The following ADGRA2 variants were observed in gnomAD, a reference collection of about 807,000 sequenced individuals.
ADGRA2 encodes the protein G-protein coupled receptor 124.
In ADGRA2, 61 loss-of-function variants were observed where a neutral mutation model predicts 98.7. The observed-to-expected ratio is 0.62, with a 90% confidence interval of 0.50 to 0.76. The LOEUF is 0.76. Among genes scored for constraint, ADGRA2 ranks in the 30% least tolerant of loss-of-function variants. The pLI, the probability that ADGRA2 is intolerant of heterozygous loss-of-function variation, is 0.00. For missense variants in ADGRA2, 1,712 were observed against 1,860.0 expected, an observed-to-expected ratio of 0.92 and a Z score of 1.46; for synonymous variants, 858 against 831.5, an observed-to-expected ratio of 1.03 and a Z score of -0.55.
chr8:37,825,252 A>AT (rs981883102), intron 2 of ADGRA2, among the ~76,000 whole-genome samples: 23 of 149,750 alleles, frequency 1.5e-4, no homozygotes, highest in African/African-American at 3.9e-4. Flanking sequence ...GACTTCTGTC[A>AT]TTTTTTTTTT....
chr8:37,839,159 A>G (rs1585407791), intron 15 of ADGRA2, 76 bp downstream of exon 15: 5 of 1,550,226 alleles, frequency 3.2e-6, no homozygotes, highest in South Asian at 1.1e-5. Context: ...TTCCCGTCCT[A>G]TGCTCCGGTA....
rs201432181 is a variant in ADGRA2, at chr8:37,842,276, A to T, written c.3938A>T (p.Asp1313Val). Residue 1313 changes from aspartate (D) to valine (V), a missense_variant, in exon 19 of 19, where the codon GAC (aspartate) becomes GTC (valine). Transcript: ENST00000412232. ...GCCCCCAAGGGGGGCAAGTACGACG[A>T]CGTCACCCTGATGGGCGCGGAGGTA... Reference protein sequence around the residue: ...NGAPKGGKYDDVTLMGAEVAS... With the variant: ...NGAPKGGKYDVVTLMGAEVAS... 3,110 of 1,577,932 alleles carry T rather than the reference A, an allele frequency of 2.0e-3. 40 individuals are homozygous for T. The highest frequency in any genetic ancestry group is 6.9e-3 in the East Asian group (298 of 42,926).
At chr8:37,809,298 T>TAA (rs374479525) in intron 1 of ADGRA2, among the ~76,000 whole-genome samples, 1,903 of 138,006 alleles carry the variant, frequency 0.014, 26 homozygotes, top group South Asian at 0.025. Context: ...TTGTCTCTCT[T>TAA]AAAAAAAAAA....
chr8:37,838,660 C>CCTG (rs1459074405), intron 14 of ADGRA2, among the ~76,000 whole-genome samples: 1 of 148,614 alleles, frequency 6.7e-6, no homozygotes, highest in Non-Finnish European at 1.5e-5. Flanking sequence ...GTCCTGCAGG[C>CCTG]CTGCTGCTGG....
rs756876565 is a variant in ADGRA2 at position 37,829,328 on chromosome 8, C to T, written c.478C>T (p.Arg160Ter). 11 of 1,612,358 alleles carry T rather than the reference C, an allele frequency of 6.8e-6. No homozygotes were observed. Among genetic ancestry groups the T allele is most frequent in the Non-Finnish European group, 9.3e-6 (11 of 1,178,714 alleles). ...ETFQGLPRLL[R>*]LNISGNIFSS... ...CTTCCAGGGCCTCCCCAGGCTTCTC[C>T]GACTGTAAGTGATGGGGTGAGAAGT... The change falls in exon 4 of 19, where the codon CGA becomes TGA. Residue 160 changes from arginine to a stop codon, truncating the protein, a stop_gained. Transcript: ENST00000412232. LOFTEE classifies it high-confidence loss of function.
At chr8:37,829,798 A>G in intron 5 of ADGRA2, 53 bp from the exon 6 acceptor site, 1 of 1,558,604 alleles carries the variant, frequency 6.4e-7, no homozygotes, top group Non-Finnish European at 8.7e-7. Context: ...CAGGCCACCC[A>G]TGAGCCCACA....
intron 2 of ADGRA2, among the ~76,000 whole-genome samples, chr8:37,822,249 G>A (rs1805147025): frequency 6.6e-6 from 1 of 152,128 alleles, no homozygotes; most frequent in African/African-American, 2.4e-5. Context: ...AGTGAACCCT[G>A]GAAGTCTTGT....
intron 17 of ADGRA2, 47 bp from the exon 18 acceptor site, chr8:37,840,713 C>T (rs1380134817): frequency 1.0e-5 from 10 of 975,900 alleles, no homozygotes; most frequent in Admixed American, 1.7e-5. Flanking sequence ...CAGTTCTTCC[C>T]TTCCCTTTCC....
In ADGRA2 at chr8:37,797,181, G is replaced by T. The variant is rs984122277; in HGVS notation, c.-88G>T. The T allele has an allele frequency of 2.8e-4, 294 of 1,061,612 alleles. No individual in the cohort carries two copies. The highest frequency in any genetic ancestry group is 3.3e-4 in the Non-Finnish European group (277 of 852,138). The allele number at this position is 1,061,612 out of a possible 1,614,324, so 65.8% of individuals were successfully genotyped here. A position where few individuals can be genotyped will look rare whatever the true frequency, so the allele number is the denominator to read the frequency against. On this transcript the variant is annotated 5_prime_UTR_variant, in exon 1 of 19. Transcript: ENST00000412232. The surrounding 1 kb of genome is among the most constrained non-coding windows in gnomAD (Gnocchi z 5.3). ...ACGCCCTCGGGAGCCCCGGGCCCCC[G>T]CTGAGCACTCCTCCCGCACGCCTGG...
In ADGRA2 at chr8:37,842,437, G is replaced by T. The variant is rs559176273; in HGVS notation, c.*82G>T. The T allele has an allele frequency of 7.2e-7, 1 of 1,392,116 alleles. No individual in the cohort carries two copies. The highest frequency in any genetic ancestry group is 1.7e-5 in the South Asian group (1 of 59,184). 86.2% of individuals were successfully genotyped at this position (1,392,116 alleles called of 1,614,324 possible). A position where few individuals can be genotyped will look rare whatever the true frequency, so the allele number is the denominator to read the frequency against. The stretch of plus-strand genomic sequence containing the variant: ...CGGGGCCCTCCAAGGTGTCTCCGTA[G>T]TCAGCAGGTTGGAGGCAGAGGAGCC... On this transcript the variant is annotated 3_prime_UTR_variant, in exon 19 of 19. Transcript: ENST00000412232.
chr8:37,829,172 C>A, intron 3 of ADGRA2, 89 bp from the exon 4 acceptor site: 2 of 1,033,658 alleles, frequency 1.9e-6, no homozygotes, highest in Non-Finnish European at 3.1e-6. Flanking sequence ...CCCCCCAACA[C>A]AAGCCCTGGC....
intron 13 of ADGRA2, among the ~76,000 whole-genome samples, chr8:37,836,036 CCA>C (rs1199422382): frequency 7.7e-6 from 1 of 129,642 alleles, no homozygotes; most frequent in East Asian, 2.3e-4. Context: ...ATAGCCCCCT[CCA>C]ACACACACAC....
rs1199131579 is a variant in ADGRA2, at chr8:37,836,086, CACACACACACA to C, written c.2050+317_2050+327del. Among the ~76,000 whole-genome samples, 166 of 137,732 alleles carry C rather than the reference CACACACACACA, an allele frequency of 1.2e-3. 1 individual carries two copies. Among genetic ancestry groups the C allele is most frequent in the South Asian group, 3.5e-3 (15 of 4,344 alleles). The allele number at this position is 137,732 out of a possible 152,430, so 90.4% of individuals were successfully genotyped here. On this transcript the variant is annotated intron_variant, in intron 13 of 18. Transcript: ENST00000412232. The stretch of plus-strand genomic sequence containing the variant: ...ACACACACACACACACACACACACA[CACACACACACA>C]CCCCACAGGCCCAATGCAGACAAGT...
chr8:37,826,032 C>T (rs934532392), intron 2 of ADGRA2, among the ~76,000 whole-genome samples: 7 of 152,038 alleles, frequency 4.6e-5, no homozygotes, highest in African/African-American at 1.2e-4. Flanking sequence ...GGGGCCTGGA[C>T]GCCGCCTCGC....
rs777902269 is a variant in ADGRA2, at chr8:37,841,568, G to A, written c.3230G>A (p.Arg1077Lys). 1.9e-6 allele frequency: 3 copies of A among 1,605,652 alleles called. No individual in the cohort carries two copies. The African/African-American group carries it at 4.0e-5, about 21-fold the overall frequency. The part of the protein sequence containing the change: ...THHCARRRDV[R>K]ASWRACCPPA... ...CACTGTGCCAGGCGGAGGGACGTGA[G>A]AGCCTCGTGGCGCGCCTGCTGCCCC... The change falls in exon 19 of 19, where the codon AGA becomes AAA. Residue 1077 changes from arginine to lysine, a missense_variant. Coordinates refer to ENST00000412232, the MANE Select transcript of ADGRA2 (RefSeq NM_032777.10). The surrounding 1 kb of genome is among the most constrained non-coding windows in gnomAD (Gnocchi z 5.0).
chr8:37,831,624 C>T (rs75832555), intron 8 of ADGRA2, 37 bp downstream of exon 8: 38,979 of 1,594,326 alleles, frequency 0.024, 995 homozygotes, highest in East Asian at 0.11. Context: ...GCTGCCCAGC[C>T]CCCAACCCCA....
chr8:37,833,638 G>A (rs377296938), intron 9 of ADGRA2, 50 bp from the exon 10 acceptor site: 3 of 1,599,184 alleles, frequency 1.9e-6, no homozygotes, highest in Non-Finnish European at 1.7e-6. Flanking sequence ...GGGCAGTTCG[G>A]GGGCAGAAGG....
intron 2 of ADGRA2, among the ~76,000 whole-genome samples, chr8:37,825,520 A>G (rs1347778460): frequency 6.6e-6 from 1 of 151,276 alleles, no homozygotes. Context: ...AAGTGCAGGG[A>G]TTACAGGTGT....
chr8:37,820,773 G>A (rs990990479), intron 2 of ADGRA2, among the ~76,000 whole-genome samples: 3 of 151,954 alleles, frequency 2.0e-5, no homozygotes, highest in African/African-American at 7.2e-5. Flanking sequence ...TGAGGGGGTC[G>A]CCTTGTTGTA....
Sources: gnomAD v4.1 joint callset for allele counts (sites outside exome capture counted in the v4.1 genomes callset) on GRCh38, gnomAD v4.1.1 for gene constraint, Gnocchi (gnomAD v3.1) non-coding constraint, MANE v1.5 for transcripts, NCBI Gene and HGNC (gene_info 2026-07-23, HGNC 2026-07-21) for gene names.